Variants in TMC1 observed in about 807,000 individuals in gnomAD.
TMC1 encodes transmembrane channel like 1, also known as transmembrane channel-like protein 1.
TMC1 carries 84 observed loss-of-function variants against 105.8 expected under a neutral mutation model. The ratio of observed to expected loss-of-function variants is 0.79; its 90% CI spans 0.67 to 0.95. TMC1 has a LOEUF of 0.95. Ranked by LOEUF, TMC1 falls within the 40% of genes least tolerant of loss-of-function variation. The pLI is 0.00. For missense variants in TMC1, 817 were observed against 914.1 expected (o/e 0.89, Z 1.37); for synonymous variants, 315 against 311.5 (o/e 1.01, Z -0.12).
At chr9:72,528,688 T>A (rs1277634757) in intron 1 of TMC1, among the ~76,000 whole-genome samples, 1 of 152,152 alleles carries the variant, frequency 6.6e-6, no homozygotes, top group Non-Finnish European at 1.5e-5. Context: ...CCCATCCTCC[T>A]GAAGGTTCTG....
Position 72,684,977 on chromosome 9 carries a change from G to A in TMC1, c.17-3732G>A, listed in dbSNP as rs150496289. ...AGAAGGGCCAACATTGACATTCTTC[G>A]TACACAAAAAAGAATCCTGAGAAGA... On this transcript the variant is annotated intron_variant, in intron 5 of 23. Transcript: ENST00000297784. Among the ~76,000 whole-genome samples the A allele has an allele frequency of 2.5e-3, 383 of 151,938 alleles. 3 individuals are homozygous for A. Among genetic ancestry groups the A allele is most frequent in the African/African-American group, 8.7e-3 (362 of 41,422 alleles).
intron 7 of TMC1, among the ~76,000 whole-genome samples, chr9:72,698,676 C>A (rs1420268268): frequency 1.3e-5 from 2 of 152,062 alleles, no homozygotes; most frequent in Non-Finnish European, 2.9e-5. Flanking sequence ...GAAGCAGCTA[C>A]CATCCCAAGG....
At chr9:72,603,386 T>TAC (rs10584160) in intron 2 of TMC1, among the ~76,000 whole-genome samples, 4,845 of 145,296 alleles carry the variant, frequency 0.033, 74 homozygotes, top group Middle Eastern at 0.062. Flanking sequence ...CTCTCCCCAC[T>TAC]ACACACACAC....
At position 72,693,603 on chromosome 9, in the gene TMC1, AT is replaced by A. The variant is rs565610152; in HGVS notation, c.65-934del. 1.4e-4 allele frequency among the ~76,000 whole-genome samples: 21 copies of A among 152,232 alleles called. 1 individual carries two copies. Among genetic ancestry groups the A allele is most frequent in the African/African-American group, 5.1e-4 (21 of 41,566 alleles). On this transcript the variant is annotated intron_variant, in intron 6 of 23. Transcript: ENST00000297784. ...ATTCATAGTTTTCCATTGAAATATA[AT>A]TTTTTCTCTGGGGTAGCCTCTATTT...
chr9:72,788,320 A>G lies in TMC1; in HGVS notation c.885-19A>G. ...TCTCATTTTTTCTGGCTGCTGGGTT[A>G]AACTTCCTGTTTTTGCAGAATGACC... On this transcript the variant is annotated intron_variant, in intron 13 of 23. Coordinates refer to ENST00000297784, the MANE Select transcript of TMC1 (RefSeq NM_138691.3). The G allele has an allele frequency of 1.2e-6, 2 of 1,613,888 alleles. No individual in the cohort carries two copies. The highest frequency in any genetic ancestry group is 1.1e-5 in the South Asian group (1 of 91,074).
chr9:72,824,897 C>T (rs1176585567), intron 20 of TMC1, among the ~76,000 whole-genome samples: 1 of 152,264 alleles, frequency 6.6e-6, no homozygotes, highest in African/African-American at 2.4e-5. Flanking sequence ...GGTGGCATTT[C>T]ACCAGGTACC....
rs1460264535 is a variant in TMC1 at position 72,838,178 on chromosome 9, T to G, written c.*2205T>G. The G allele has an allele frequency of 6.6e-6, 1 of 152,252 alleles. No homozygotes were observed. The highest frequency in any genetic ancestry group is 1.5e-5 in the Non-Finnish European group (1 of 68,028). 9.4% of individuals were successfully genotyped at this position (152,252 alleles called of 1,614,324 possible). A position where few individuals can be genotyped will look rare whatever the true frequency, so the allele number is the denominator to read the frequency against. Reference sequence around the variant, plus strand: ...TTATGAGACAAAAACTTCTGTTACCTGCATGAAAACATTTTACTATGATGT... The same window carrying G: ...TTATGAGACAAAAACTTCTGTTACCGGCATGAAAACATTTTACTATGATGT... On this transcript the variant is annotated 3_prime_UTR_variant, in exon 24 of 24. Coordinates refer to ENST00000297784, the MANE Select transcript of TMC1 (RefSeq NM_138691.3).
chr9:72,774,302 G>A (rs915664565), intron 13 of TMC1, among the ~76,000 whole-genome samples: 12 of 152,038 alleles, frequency 7.9e-5, no homozygotes, highest in Admixed American at 5.2e-4. Flanking sequence ...AAATAGACAG[G>A]TACATTTAAT....
intron 18 of TMC1, among the ~76,000 whole-genome samples, chr9:72,807,495 T>C (rs553959123): frequency 3.2e-4 from 48 of 152,266 alleles, no homozygotes; most frequent in African/African-American, 1.1e-3. Flanking sequence ...GCAAAAGCAA[T>C]GGACCTCAAC....
intron 5 of TMC1, among the ~76,000 whole-genome samples, chr9:72,684,408 ATCT>A (rs1192348611): frequency 1.3e-5 from 2 of 152,108 alleles, no homozygotes; most frequent in Admixed American, 1.3e-4. Context: ...TCTGATGCAC[ATCT>A]TCTGCCATCC....
At chr9:72,829,698 T>C (rs55814472) in intron 21 of TMC1, among the ~76,000 whole-genome samples, 13,298 of 152,162 alleles carry the variant, frequency 0.087, 678 homozygotes, top group Non-Finnish European at 0.13. Flanking sequence ...TTTTGGGGAG[T>C]AGAGGAAATG....
At chr9:72,579,367 A>G (rs1053250916) in intron 2 of TMC1, among the ~76,000 whole-genome samples, 5 of 152,006 alleles carry the variant, frequency 3.3e-5, no homozygotes, top group East Asian at 1.9e-4. Flanking sequence ...TCACACTTCT[A>G]TATGTCCCTG....
intron 2 of TMC1, among the ~76,000 whole-genome samples, chr9:72,594,178 C>T (rs1015481873): frequency 3.3e-5 from 5 of 152,092 alleles, no homozygotes; most frequent in Non-Finnish European, 5.9e-5. Flanking sequence ...TACGCGGAGA[C>T]CCTCATGAGA....
intron 10 of TMC1, among the ~76,000 whole-genome samples, chr9:72,751,431 G>A (rs1827578443): frequency 1.3e-5 from 2 of 152,192 alleles, no homozygotes; most frequent in Admixed American, 1.3e-4. Context: ...AGAGAAAATA[G>A]CAGTAATTAT....
At chr9:72,529,098 A>ATT (rs36003839) in intron 1 of TMC1, among the ~76,000 whole-genome samples, 3 of 98,956 alleles carry the variant, frequency 3.0e-5, no homozygotes, top group Non-Finnish European at 3.9e-5. Context: ...ATACTACACC[A>ATT]TTTTTTTTTT....
intron 2 of TMC1, among the ~76,000 whole-genome samples, chr9:72,600,647 T>TA (rs1824793098): frequency 6.6e-6 from 1 of 152,048 alleles, no homozygotes; most frequent in East Asian, 1.9e-4. Flanking sequence ...CTTTTTCTAG[T>TA]AATTTACAAA....
At chr9:72,679,565 C>A (rs1467396143) in intron 5 of TMC1, among the ~76,000 whole-genome samples, 1 of 152,016 alleles carries the variant, frequency 6.6e-6, no homozygotes, top group Middle Eastern at 3.2e-3. Context: ...GCTGGAAAAT[C>A]CAATATCCAG....
rs1185471453 is a variant in TMC1, at chr9:72,820,821, A to G, written c.1764-21A>G. ...ATGGAGTAAAGACTCAAAACTGAGC[A>G]GAGTTCTGTTTTCTTTCTAGGATGG... On this transcript the variant is annotated intron_variant, in intron 19 of 23. Coordinates refer to ENST00000297784, the MANE Select transcript of TMC1 (RefSeq NM_138691.3). The G allele has an allele frequency of 1.9e-6, 3 of 1,613,744 alleles. No homozygotes were observed. In the South Asian group the frequency reaches 3.3e-5, roughly 18 times the overall value.
At chr9:72,635,481 T>C (rs1825518766) in intron 4 of TMC1, among the ~76,000 whole-genome samples, 1 of 152,162 alleles carries the variant, frequency 6.6e-6, no homozygotes, top group African/African-American at 2.4e-5. Context: ...TAACAAAAGA[T>C]GCTCCTGTTA....
Sources: allele counts gnomAD v4.1 joint callset (sites outside exome capture counted in the v4.1 genomes callset), GRCh38; gene constraint gnomAD v4.1.1; transcripts MANE v1.5; gene names NCBI Gene and HGNC (gene_info 2026-07-23, HGNC 2026-07-21).